The following COL28A1 variants were observed in gnomAD, a reference collection of about 807,000 sequenced individuals.
COL28A1 encodes collagen alpha-1(XXVIII) chain.
COL28A1 carries 161 observed loss-of-function variants against 150.2 expected under a neutral mutation model. That is an observed-to-expected ratio of 1.07 (90% CI 0.94 to 1.22). The LOEUF (loss-of-function observed/expected upper bound fraction) is 1.22. Among genes scored for constraint, COL28A1 ranks in the 50% most tolerant of loss-of-function variants. The pLI is 0.00. For missense variants in COL28A1, 1,617 were observed against 1,388.3 expected (o/e 1.16, Z -2.62); for synonymous variants, 552 against 469.7 (o/e 1.18, Z -2.26).
chr7:7,412,155 G>A (rs1005818770), intron 27 of COL28A1, among the ~76,000 whole-genome samples: 8 of 152,062 alleles, frequency 5.3e-5, no homozygotes, highest in Admixed American at 2.6e-4. Flanking sequence ...GTGAGCAGAG[G>A]GGATACATGT....
chr7:7,378,656 G>T (rs1364727542), intron 30 of COL28A1, among the ~76,000 whole-genome samples: 3 of 152,144 alleles, frequency 2.0e-5, no homozygotes, highest in Non-Finnish European at 4.4e-5. Context: ...TTTCATGGGG[G>T]AGCAGCCTGA....
intron 25 of COL28A1, chr7:7,431,292 C>A (rs766717599): frequency 3.2e-5 from 9 of 276,946 alleles, no homozygotes; most frequent in Non-Finnish European, 5.9e-5. Context: ...AATGGTACAC[C>A]TAGTTCTGGT....
At chr7:7,420,198 T>A (rs975748136) in intron 25 of COL28A1, 9 of 294,284 alleles carry the variant, frequency 3.1e-5, no homozygotes, top group Non-Finnish European at 5.0e-5. Flanking sequence ...CCCTCTTCTC[T>A]AGAATTTGGA....
chr7:7,503,723 G>C (rs1230363404), intron 11 of COL28A1, among the ~76,000 whole-genome samples: 1 of 152,132 alleles, frequency 6.6e-6, no homozygotes, highest in African/African-American at 2.4e-5. Context: ...TGAATCTCCA[G>C]CTAACAGATC....
In COL28A1 at chr7:7,487,020, T is replaced by C. The variant is rs540432606; in HGVS notation, c.1164+2369A>G. Among the ~76,000 whole-genome samples the C allele has an allele frequency of 1.6e-4, 25 of 152,286 alleles. 1 individual carries two copies. The South Asian group carries it at 4.6e-3, about 28-fold the overall frequency. On this transcript the variant is annotated intron_variant, in intron 13 of 34. Coordinates refer to ENST00000399429, the MANE Select transcript of COL28A1 (RefSeq NM_001037763.3). ...AAAAAGATAGGGAGACTTTACTGTA[T>C]CCATAATGTTTTATGTTTTTTAAAG... is the stretch of plus-strand genomic sequence containing the variant.
chr7:7,505,895 T>A, intron 11 of COL28A1, 119 bp downstream of exon 11: 1 of 714,614 alleles, frequency 1.4e-6, no homozygotes, highest in Non-Finnish European at 2.6e-6. Flanking sequence ...CAGGTTATTA[T>A]GCATTTCCAA....
At chr7:7,374,024 T>TA (rs1188442971) in intron 31 of COL28A1, among the ~76,000 whole-genome samples, 12,260 of 116,240 alleles carry the variant, frequency 0.11, 779 homozygotes, top group Admixed American at 0.13. Flanking sequence ...ACTTGACTCT[T>TA]AAAAAAAAAA....
At chr7:7,491,458 C>A (rs950281531) in intron 11 of COL28A1, among the ~76,000 whole-genome samples, 24 of 152,234 alleles carry the variant, frequency 1.6e-4, no homozygotes, top group Non-Finnish European at 3.1e-4. Flanking sequence ...CAATGAGCAA[C>A]TGATCCAGTC....
intron 14 of COL28A1, 130 bp from the exon 15 acceptor site, chr7:7,474,799 T>A: frequency 1.6e-6 from 1 of 615,666 alleles, no homozygotes; most frequent in Non-Finnish European, 2.9e-6. Context: ...CACTGTTTAC[T>A]ACAAATGGGT....
intron 18 of COL28A1, among the ~76,000 whole-genome samples, chr7:7,444,943 C>A (rs1786137187): frequency 6.6e-6 from 1 of 152,044 alleles, no homozygotes; most frequent in African/African-American, 2.4e-5. Context: ...CCTTGCTGTT[C>A]TTATAATAGA....
chr7:7,345,602 C>T, the COL28A1 span, among the ~76,000 whole-genome samples: 3 of 152,056 alleles, frequency 2.0e-5, no homozygotes, highest in South Asian at 6.2e-4. Flanking sequence ...TTTAAAAGAA[C>T]AGTTTCACTG....
At chr7:7,523,692 C>G (rs181692431) in intron 4 of COL28A1, among the ~76,000 whole-genome samples, 3 of 152,276 alleles carry the variant, frequency 2.0e-5, no homozygotes, top group African/African-American at 7.2e-5. Context: ...TGATGATTAT[C>G]TATTGTGCTA....
chr7:7,521,629 T>G (rs1375040697), intron 5 of COL28A1, among the ~76,000 whole-genome samples: 3 of 152,250 alleles, frequency 2.0e-5, no homozygotes, highest in African/African-American at 7.2e-5. Flanking sequence ...AAATTCTGGC[T>G]TCAATTATTT....
intron 27 of COL28A1, among the ~76,000 whole-genome samples, chr7:7,382,114 A>C (rs1017836195): frequency 6.6e-6 from 1 of 152,162 alleles, no homozygotes. Context: ...GTTTGAGACC[A>C]GCCTGGCCAA....
At chr7:7,340,653 T>A in the COL28A1 span, among the ~76,000 whole-genome samples, 1 of 152,096 alleles carries the variant, frequency 6.6e-6, no homozygotes, top group Admixed American at 6.6e-5. Flanking sequence ...CCCATCTTTT[T>A]TTTTCCCCCT....
intron 18 of COL28A1, among the ~76,000 whole-genome samples, chr7:7,448,854 T>C (rs527514909): frequency 4.3e-4 from 66 of 152,166 alleles, no homozygotes; most frequent in Non-Finnish European, 7.5e-4. Context: ...AAATATCATA[T>C]AGTATATAAT....
At chr7:7,355,348 G>A (rs1168392734), downstream of COL28A1, among the ~76,000 whole-genome samples, 1 of 152,104 alleles carries the variant, frequency 6.6e-6, no homozygotes, top group Non-Finnish European at 1.5e-5. Flanking sequence ...AGACACAGTG[G>A]CTCACACCCC....
At chr7:7,440,930 C>G (rs977175561) in intron 20 of COL28A1, 69 bp from the exon 21 acceptor site, 1 of 777,340 alleles carries the variant, frequency 1.3e-6, no homozygotes, top group African/African-American at 1.7e-5. Context: ...CTAGCAAGGA[C>G]CATAGCGGAG....
chr7:7,487,280 A>G (rs1434038865), intron 13 of COL28A1, among the ~76,000 whole-genome samples: 3 of 152,176 alleles, frequency 2.0e-5, no homozygotes, highest in Admixed American at 6.5e-5. Flanking sequence ...ATCAATCTAT[A>G]TTTAAAAATT....
Sources: allele counts gnomAD v4.1 joint callset (sites outside exome capture counted in the v4.1 genomes callset), GRCh38; gene constraint gnomAD v4.1.1; transcripts MANE v1.5; gene names NCBI Gene and HGNC (gene_info 2026-07-23, HGNC 2026-07-21).